Variants in TJP1 observed in about 807,000 individuals in gnomAD.
The protein encoded by TJP1 is tight junction protein ZO-1.
Under a neutral mutation model 194.2 loss-of-function variants are expected in TJP1, and 43 were observed. The ratio of observed to expected loss-of-function variants is 0.22; its 90% CI spans 0.17 to 0.29. The LOEUF is 0.29. Among genes scored for constraint, TJP1 ranks in the 10% least tolerant of loss-of-function variants. The pLI, the probability that TJP1 is intolerant of heterozygous loss-of-function variation, is 1.00. For synonymous variants in TJP1, 801 were observed against 779.0 expected (o/e 1.03, Z -0.47); for missense variants, 1,971 against 2,185.7 (o/e 0.90, Z 1.96).
intron 1 of TJP1, among the ~76,000 whole-genome samples, chr15:29,801,232 T>C (rs1048215927): frequency 6.6e-6 from 1 of 152,140 alleles, no homozygotes; most frequent in African/African-American, 2.4e-5. Flanking sequence ...GAATTACTTC[T>C]CAAGCTTCAT....
At chr15:29,788,928 C>G (rs1168498922) in intron 2 of TJP1, among the ~76,000 whole-genome samples, 1 of 152,112 alleles carries the variant, frequency 6.6e-6, no homozygotes, top group African/African-American at 2.4e-5. Context: ...CACACCTACA[C>G]TAATACGATA....
chr15:29,810,969 G>A (rs1172066378), intron 1 of TJP1, among the ~76,000 whole-genome samples: 2 of 152,060 alleles, frequency 1.3e-5, no homozygotes, highest in South Asian at 2.1e-4. Context: ...TCTAGCAGGA[G>A]AACCAAATGA....
chr15:29,947,256 A>G (rs961703191), intron 2 of TJP1, among the ~76,000 whole-genome samples: 22 of 152,220 alleles, frequency 1.4e-4, no homozygotes, highest in African/African-American at 4.1e-4. Flanking sequence ...CTGTGTGTCT[A>G]TTACTGGTCC....
intron 2 of TJP1, among the ~76,000 whole-genome samples, chr15:29,907,806 T>C (rs1279553628): frequency 6.6e-6 from 1 of 151,966 alleles, no homozygotes; most frequent in Non-Finnish European, 1.5e-5. Flanking sequence ...GACCTCTTTT[T>C]CTTTTGCCTG....
At chr15:29,908,793 C>T (rs948352830) in intron 2 of TJP1, among the ~76,000 whole-genome samples, 2 of 152,040 alleles carry the variant, frequency 1.3e-5, no homozygotes, top group African/African-American at 2.4e-5. Flanking sequence ...CCAAGGTGGG[C>T]AGAACACCTG....
At chr15:29,950,435 C>T (rs2055702320) in intron 2 of TJP1, among the ~76,000 whole-genome samples, 2 of 151,906 alleles carry the variant, frequency 1.3e-5, no homozygotes. Context: ...ATCATCACCA[C>T]CACCTCCTCT....
chr15:29,882,667 T>C (rs2052978945), intron 2 of TJP1, among the ~76,000 whole-genome samples: 1 of 152,232 alleles, frequency 6.6e-6, no homozygotes, highest in Non-Finnish European at 1.5e-5. Flanking sequence ...TCTCCATGTG[T>C]CGGACCGAAA....
chr15:29,928,212 G>A (rs1288578555), intron 2 of TJP1, among the ~76,000 whole-genome samples: 1 of 151,942 alleles, frequency 6.6e-6, no homozygotes, highest in Non-Finnish European at 1.5e-5. Flanking sequence ...TATTCAACAA[G>A]ATAAAAGATG....
intron 2 of TJP1, among the ~76,000 whole-genome samples, chr15:29,832,880 A>C (rs1481068880): frequency 6.6e-6 from 1 of 152,172 alleles, no homozygotes; most frequent in Non-Finnish European, 1.5e-5. Context: ...CCCCTGACAC[A>C]ATTCTGCAAC....
In TJP1 at chr15:29,703,361, C is replaced by G. The variant is rs45628042; in HGVS notation, c.5212+801G>C. Among the ~76,000 whole-genome samples the G allele has an allele frequency of 8.1e-3, 1,233 of 152,098 alleles. 7 individuals are homozygous for G. The highest frequency in any genetic ancestry group is 0.014 in the Non-Finnish European group (925 of 67,994). ...GCTGAGGCAGGAGAATCGCTTGAAG[C>G]TGGGAGGCGAAGGTTGCAGTGAGCT... is the stretch of plus-strand genomic sequence containing the variant. On this transcript the variant is annotated intron_variant, in intron 27 of 27. Coordinates refer to ENST00000614355, the MANE Select transcript of TJP1 (RefSeq NM_001330239.4).
intron 2 of TJP1, among the ~76,000 whole-genome samples, chr15:29,793,294 G>C (rs2048209512): frequency 6.6e-6 from 1 of 152,082 alleles, no homozygotes; most frequent in South Asian, 2.1e-4. Context: ...ATCCAGTTGA[G>C]TTTTTATCAT....
chr15:29,854,345 T>C (rs1435894377), intron 2 of TJP1, among the ~76,000 whole-genome samples: 2 of 152,032 alleles, frequency 1.3e-5, no homozygotes, highest in African/African-American at 4.8e-5. Context: ...AGGGTCTCTA[T>C]AGATGTAAGT....
intron 2 of TJP1, among the ~76,000 whole-genome samples, chr15:29,774,870 C>A (rs576332292): frequency 1.3e-5 from 2 of 152,142 alleles, no homozygotes; most frequent in African/African-American, 4.8e-5. Flanking sequence ...ATATATTCTC[C>A]CAAAATTTAA....
intron 18 of TJP1, among the ~76,000 whole-genome samples, chr15:29,725,499 A>T (rs2043186153): frequency 6.6e-6 from 1 of 152,158 alleles, no homozygotes; most frequent in African/African-American, 2.4e-5. Context: ...CAAAGAACAA[A>T]ATAAAAACCA....
chr15:29,855,964 C>A (rs1246097410), intron 2 of TJP1, among the ~76,000 whole-genome samples: 1 of 152,166 alleles, frequency 6.6e-6, no homozygotes, highest in East Asian at 1.9e-4. Flanking sequence ...ACGTAAGGAA[C>A]AACATACAGC....
At chr15:29,968,517 G>A (rs1327432539) in intron 1 of TJP1, 13 of 808,562 alleles carry the variant, frequency 1.6e-5, no homozygotes, top group Non-Finnish European at 1.8e-5. Flanking sequence ...GCTGCGCCCC[G>A]CGCGGCGCGC....
intron 2 of TJP1, among the ~76,000 whole-genome samples, chr15:29,943,014 GT>G (rs2055135961): frequency 6.6e-6 from 1 of 152,180 alleles, no homozygotes; most frequent in Non-Finnish European, 1.5e-5. Flanking sequence ...ACCCTGGCCT[GT>G]GCTCTGATGG....
intron 3 of TJP1, among the ~76,000 whole-genome samples, chr15:29,772,908 G>A (rs2046784818): frequency 1.3e-5 from 2 of 152,210 alleles, no homozygotes; most frequent in East Asian, 1.9e-4. Flanking sequence ...GGGACTGCAG[G>A]CACAAGCCAC....
intron 2 of TJP1, among the ~76,000 whole-genome samples, chr15:29,834,895 G>A (rs1375566002): frequency 1.3e-5 from 2 of 152,198 alleles, no homozygotes; most frequent in Non-Finnish European, 2.9e-5. Context: ...AAAGCCAATA[G>A]ATTCATTATC....
Sources: allele counts gnomAD v4.1 joint callset (sites outside exome capture counted in the v4.1 genomes callset), GRCh38; gene constraint gnomAD v4.1.1; transcripts MANE v1.5; gene names NCBI Gene and HGNC (gene_info 2026-07-23, HGNC 2026-07-21).